Variants in FHIP1A observed in about 807,000 individuals in gnomAD.
FHIP1A encodes the protein FHF complex subunit HOOK-interacting protein 1A.
A neutral mutation model predicts 88.6 loss-of-function variants in FHIP1A; 61 were observed. That is an observed-to-expected ratio of 0.69 (90% CI 0.56 to 0.85). The LOEUF is 0.85. Ranked by LOEUF, FHIP1A falls within the 40% of genes least tolerant of loss-of-function variation. The pLI is 0.00. For synonymous variants in FHIP1A, 478 were observed against 496.0 expected (o/e 0.96, Z 0.48); for missense variants, 1,154 against 1,273.5 (o/e 0.91, Z 1.43).
At chr4:151,516,142 C>T (rs536123576) in intron 3 of FHIP1A, among the ~76,000 whole-genome samples, 7 of 152,220 alleles carry the variant, frequency 4.6e-5, no homozygotes, top group African/African-American at 7.2e-5. Flanking sequence ...TCAGAAATAA[C>T]GCCGCATGTC....
intron 3 of FHIP1A, among the ~76,000 whole-genome samples, chr4:151,521,524 T>G (rs1210445093): frequency 6.6e-6 from 1 of 152,182 alleles, no homozygotes; most frequent in East Asian, 1.9e-4. Flanking sequence ...CTGTAGCTTG[T>G]AGGAAGCTAG....
chr4:151,512,103 G>C (rs937610767), intron 3 of FHIP1A, among the ~76,000 whole-genome samples: 1 of 152,204 alleles, frequency 6.6e-6, no homozygotes, highest in Non-Finnish European at 1.5e-5. Flanking sequence ...CCAGAGGAAC[G>C]ATCAGACAGC....
Position 151,484,231 on chromosome 4 carries a change from G to T in FHIP1A, c.-123+1583G>T, listed in dbSNP as rs9993736. 1.0e-3 allele frequency among the ~76,000 whole-genome samples: 158 copies of T among 152,200 alleles called. 1 individual carries two copies. The highest frequency in any genetic ancestry group is 6.8e-3 in the Middle Eastern group (2 of 294). On this transcript the variant is annotated intron_variant, in intron 3 of 13. Coordinates refer to ENST00000435205, the MANE Select transcript of FHIP1A (RefSeq NM_001109977.3). ...TGAATCCTGGGGATAACCTATAGTC[G>T]TTTACAACCATTCACCTGTCTGTAG...
intron 7 of FHIP1A, among the ~76,000 whole-genome samples, chr4:151,616,451 T>C (rs1401578161): frequency 3.5e-5 from 5 of 143,006 alleles, no homozygotes; most frequent in African/African-American, 1.3e-4. Flanking sequence ...TTTCTTTTTT[T>C]TTTTTTTTTT....
At chr4:151,632,768 T>C (rs1051464312) in intron 8 of FHIP1A, among the ~76,000 whole-genome samples, 3 of 152,060 alleles carry the variant, frequency 2.0e-5, no homozygotes, top group South Asian at 4.1e-4. Context: ...TTAGAAAATA[T>C]CTGGAGACAA....
chr4:151,661,606 G>C (rs1199067346), intron 13 of FHIP1A, among the ~76,000 whole-genome samples: 1 of 152,226 alleles, frequency 6.6e-6, no homozygotes, highest in Admixed American at 6.5e-5. Flanking sequence ...GATTGTTTGG[G>C]TAGGGGGCAG....
intron 3 of FHIP1A, among the ~76,000 whole-genome samples, chr4:151,550,570 G>A (rs569427385): frequency 6.6e-6 from 1 of 152,294 alleles, no homozygotes; most frequent in East Asian, 1.9e-4. Context: ...TACTGAAACA[G>A]CTGTGGTGTG....
At chr4:151,487,641 A>C (rs1003988865) in intron 3 of FHIP1A, among the ~76,000 whole-genome samples, 2 of 152,226 alleles carry the variant, frequency 1.3e-5, no homozygotes, top group African/African-American at 4.8e-5. Context: ...CATCAACCAA[A>C]TGTAGCTAAC....
intron 2 of FHIP1A, among the ~76,000 whole-genome samples, chr4:151,479,920 A>G (rs1039010102): frequency 2.0e-5 from 3 of 152,084 alleles, no homozygotes; most frequent in Admixed American, 2.0e-4. Context: ...TAGCTATTAC[A>G]CAGGACTGTG....
chr4:151,475,320 G>A (rs1202050743), intron 2 of FHIP1A, among the ~76,000 whole-genome samples: 1 of 152,170 alleles, frequency 6.6e-6, no homozygotes, highest in African/African-American at 2.4e-5. Context: ...TAAACATTTT[G>A]TGTATTTTCC....
chr4:151,566,237 G>A lies in FHIP1A; in HGVS notation c.-23G>A. Reference sequence around the variant, plus strand: ...TTTAATGAAAATTAAATATGACTTAGAAGCATTGATTTATGAAGGCTTATG... The same window carrying A: ...TTTAATGAAAATTAAATATGACTTAAAAGCATTGATTTATGAAGGCTTATG... On this transcript the variant is annotated 5_prime_UTR_variant, in exon 4 of 14. An upstream open reading frame in the 5' UTR loses its in-frame stop. Coordinates refer to ENST00000435205, the MANE Select transcript of FHIP1A (RefSeq NM_001109977.3). The A allele has an allele frequency of 1.4e-6, 2 of 1,446,184 alleles. No homozygotes were observed. The highest frequency in any genetic ancestry group is 1.9e-6 in the Non-Finnish European group (2 of 1,060,510). 89.6% of individuals were successfully genotyped at this position (1,446,184 alleles called of 1,614,324 possible).
At chr4:151,499,606 C>G (rs182413993) in intron 3 of FHIP1A, among the ~76,000 whole-genome samples, 93 of 152,288 alleles carry the variant, frequency 6.1e-4, no homozygotes, top group Non-Finnish European at 7.4e-4. Flanking sequence ...TTAGTCCACT[C>G]TCATGCTGCT....
At chr4:151,562,055 T>G (rs932891558) in intron 3 of FHIP1A, among the ~76,000 whole-genome samples, 6 of 152,200 alleles carry the variant, frequency 3.9e-5, no homozygotes, top group African/African-American at 1.2e-4. Context: ...GTCCCATTTT[T>G]CACTCAAGGT....
At chr4:151,616,444 C>CTTTTTTTTTTTTTTTTTT (rs763599410) in intron 7 of FHIP1A, among the ~76,000 whole-genome samples, 1 of 113,388 alleles carries the variant, frequency 8.8e-6, no homozygotes, top group Non-Finnish European at 1.9e-5. Flanking sequence ...TTCTTTCTTT[C>CTTTTTTTTTTTTTTTTTT]TTTTTTTTTT....
intron 1 of FHIP1A, among the ~76,000 whole-genome samples, chr4:151,437,434 C>G (rs1291577649): frequency 6.6e-6 from 1 of 152,000 alleles, no homozygotes; most frequent in South Asian, 2.1e-4. Flanking sequence ...AAATAGGGAA[C>G]CTGGGATCTC....
intron 3 of FHIP1A, among the ~76,000 whole-genome samples, chr4:151,526,118 A>T (rs1003425279): frequency 2.6e-5 from 4 of 152,232 alleles, no homozygotes; most frequent in African/African-American, 7.2e-5. Flanking sequence ...AGAATTTTTC[A>T]TAGTACAGAA....
At chr4:151,530,068 C>T (rs937277547) in intron 3 of FHIP1A, among the ~76,000 whole-genome samples, 6 of 152,076 alleles carry the variant, frequency 3.9e-5, no homozygotes, top group African/African-American at 9.7e-5. Context: ...TCTGAGTTTG[C>T]GTTTATTGAA....
intron 7 of FHIP1A, among the ~76,000 whole-genome samples, chr4:151,608,657 T>A (rs1164451986): frequency 6.6e-6 from 1 of 152,166 alleles, no homozygotes; most frequent in South Asian, 2.1e-4. Flanking sequence ...GAACTAGGAT[T>A]CAGAAGACAG....
chr4:151,467,869 A>G (rs917058761), intron 2 of FHIP1A, among the ~76,000 whole-genome samples: 3 of 151,864 alleles, frequency 2.0e-5, no homozygotes, highest in African/African-American at 7.3e-5. Flanking sequence ...TAGGACAAAT[A>G]CCTAATGCAT....
Sources: allele counts gnomAD v4.1 joint callset (sites outside exome capture counted in the v4.1 genomes callset), GRCh38; gene constraint gnomAD v4.1.1; transcripts MANE v1.5; gene names NCBI Gene and HGNC (gene_info 2026-07-23, HGNC 2026-07-21).